Variants in SLX4 observed in about 807,000 individuals in gnomAD.
SLX4 encodes SLX4 structure-specific endonuclease subunit.
A neutral mutation model predicts 146.2 loss-of-function variants in SLX4; 112 were observed. That is an observed-to-expected ratio of 0.77 (90% CI 0.66 to 0.90). SLX4 has a LOEUF of 0.90. Ranked by LOEUF, SLX4 falls within the 40% of genes least tolerant of loss-of-function variation. The pLI is 0.00. For missense variants in SLX4, 2,563 were observed against 2,392.7 expected, an observed-to-expected ratio of 1.07 and a Z score of -1.49; for synonymous variants, 1,061 against 997.7, an observed-to-expected ratio of 1.06 and a Z score of -1.20.
chr16:3,603,955 TGTG>T (rs1192632543), intron 3 of SLX4, among the ~76,000 whole-genome samples: 2 of 152,054 alleles, frequency 1.3e-5, no homozygotes, highest in Non-Finnish European at 2.9e-5. Flanking sequence ...TAGGGCTGGG[TGTG>T]GTGGTTCACA....
rs199719959 is a variant in SLX4, at chr16:3,590,358, C to G, written c.3280G>C (p.Glu1094Gln). Reference sequence around the variant, plus strand: ...TCTTTGCCTTTCTGGTGCCCTGGCTCTTTAGACAGCGTGAGGATGCTCCTG... The same window carrying G: ...TCTTTGCCTTTCTGGTGCCCTGGCTGTTTAGACAGCGTGAGGATGCTCCTG... ...RDRSILTLSKEPGHQKGKERR... is the reference protein window; with the variant it reads ...RDRSILTLSKQPGHQKGKERR... The change falls in exon 12 of 15, where the codon GAG (glutamate) becomes CAG (glutamine). Residue 1094 changes from glutamate to glutamine, a missense_variant. Physicochemically the swap from Glu to Gln is conservative, Grantham distance 29 (BLOSUM62 2). Coordinates refer to ENST00000294008, the MANE Select transcript of SLX4 (RefSeq NM_032444.4). This position sits in a 1 kb window ranked among gnomAD's most constrained non-coding sequence, Gnocchi z 4.8. The G allele has an allele frequency of 5.6e-6, 9 of 1,614,222 alleles. No individual in the cohort carries two copies. The African/African-American group carries it at 1.1e-4, about 19-fold the overall frequency.
At chr16:3,584,914 C>T (rs763771270) in intron 12 of SLX4, 43 bp from the exon 13 acceptor site, 8 of 1,343,034 alleles carry the variant, frequency 6.0e-6, no homozygotes, top group South Asian at 1.2e-5. Flanking sequence ...ATGAGGGACA[C>T]GGATTTCCCA....
chr16:3,597,648 A>G lies in SLX4; in HGVS notation c.1414T>C (p.Leu472=), dbSNP rs1344051124. The change falls in exon 7 of 15, where the codon TTA becomes CTA. Residue 472 remains leucine (L), a synonymous_variant. Transcript: ENST00000294008. This position sits in a 1 kb window ranked among gnomAD's most constrained non-coding sequence, Gnocchi z 4.4. The part of the protein sequence containing the change: ...KKPPVSPPLL[L]VQDSETTGRQ... ...CCTGTGGTTTCAGAGTCCTGGACTA[A>G]CAACAATGGGGGGGATACCGGGGGT... 6.2e-7 allele frequency: 1 copy of G among 1,608,380 alleles called. No homozygotes were observed. Among genetic ancestry groups the G allele is most frequent in the East Asian group, 2.3e-5 (1 of 44,366 alleles).
chr16:3,594,462 G>A lies in SLX4; in HGVS notation c.2151C>T (p.Leu717=), dbSNP rs1387837523. Reference sequence around the variant, plus strand: ...CAGCCCACGTACTTACATACTGGATGAGGAGCGGGCATCGGGCATAAAGCA... The same window carrying A: ...CAGCCCACGTACTTACATACTGGATAAGGAGCGGGCATCGGGCATAAAGCA... ...KFVLYARCPL[L]IQYVNNEGFS... is the part of the protein sequence containing the mutation. The change falls in exon 10 of 15, where the codon CTC becomes CTT. Residue 717 remains leucine (L), a synonymous_variant. Coordinates refer to ENST00000294008, the MANE Select transcript of SLX4 (RefSeq NM_032444.4). 2 of 1,613,384 alleles carry A rather than the reference G, an allele frequency of 1.2e-6. No individual in the cohort carries two copies. Among genetic ancestry groups the A allele is most frequent in the South Asian group, 1.1e-5 (1 of 90,974 alleles).
At chr16:3,584,381 A>C (rs905531266) in intron 13 of SLX4, among the ~76,000 whole-genome samples, 3 of 151,924 alleles carry the variant, frequency 2.0e-5, no homozygotes, top group African/African-American at 7.3e-5. Context: ...GGACTGCGCC[A>C]CTGCACTCCA....
chr16:3,601,250 A>C (rs1266837528), intron 4 of SLX4, 59 bp from the exon 5 acceptor site: 5 of 1,570,718 alleles, frequency 3.2e-6, no homozygotes, highest in Non-Finnish European at 4.4e-6. Context: ...GATTGGAGCA[A>C]ATGTGGGTCC....
At position 3,596,155 on chromosome 16, in the gene SLX4, G is replaced by A. The variant is rs778138590; in HGVS notation, c.1922C>T (p.Ala641Val). ...TAGAGTCCCACCCAGCATCTCACCTGCAGTCCCTTCCGAGCCAGCCAGGCC... is the reference window on the plus strand; with the variant it reads ...TAGAGTCCCACCCAGCATCTCACCTACAGTCCCTTCCGAGCCAGCCAGGCC... ...SGGLAGSEGT[A>V]GLDVVPGGLP... The change falls in exon 8 of 15, where the codon GCA becomes GTA. Residue 641 changes from alanine (A) to valine (V), a missense_variant and splice_region_variant. Coordinates refer to ENST00000294008, the MANE Select transcript of SLX4 (RefSeq NM_032444.4). 4 of 1,550,768 alleles carry A rather than the reference G, an allele frequency of 2.6e-6. No individual in the cohort carries two copies. The South Asian group carries it at 3.6e-5, about 14-fold the overall frequency.
At position 3,589,794 on chromosome 16, in the gene SLX4, G is replaced by A. The variant is rs772652088; in HGVS notation, c.3844C>T (p.Leu1282=). The stretch of plus-strand genomic sequence containing the variant: ...TGCTGAGTCACCGCCTGCACGGCCA[G>A]CCCGCTCCTGAGGCTGCTGATTTGG... The part of the protein sequence containing the change: ...QTQISSLRSG[L]AVQAVTQHTP... Residue 1282 remains leucine (L), a synonymous_variant, in exon 12 of 15, where the codon CTG becomes TTG. Transcript: ENST00000294008. This position sits in a 1 kb window ranked among gnomAD's most constrained non-coding sequence, Gnocchi z 6.2. 7.4e-6 allele frequency: 12 copies of A among 1,613,218 alleles called. No individual in the cohort carries two copies. In the African/African-American group the frequency reaches 1.3e-4, roughly 18 times the overall value.
chr16:3,605,183 A>G (rs996805923), intron 3 of SLX4, among the ~76,000 whole-genome samples: 1 of 151,638 alleles, frequency 6.6e-6, no homozygotes, highest in African/African-American at 2.4e-5. Flanking sequence ...TCTGTCTCCC[A>G]GGTTCACGCC....
chr16:3,583,449 A>T lies in SLX4; in HGVS notation c.4801T>A (p.Tyr1601Asn), dbSNP rs1361682506. The stretch of plus-strand genomic sequence containing the variant: ...TCTGAGTCCAGGGTCTGGTGAGTGT[A>T]CTGGAATATCTCCTTCAGCTTCAGA... ...MVLKLKEIFQ[Y>N]THQTLDSDSE... Residue 1601 changes from tyrosine (Y) to asparagine (N), a missense_variant, in exon 14 of 15, where the codon TAC becomes AAC. Tyr to Asn is a moderately radical substitution (Grantham distance 143). Transcript: ENST00000294008. 1.2e-6 allele frequency: 2 copies of T among 1,614,128 alleles called. No individual in the cohort carries two copies. The highest frequency in any genetic ancestry group is 2.2e-5 in the South Asian group (2 of 91,082).
At chr16:3,584,485 G>A (rs1467372922) in intron 13 of SLX4, among the ~76,000 whole-genome samples, 1 of 152,196 alleles carries the variant, frequency 6.6e-6, no homozygotes, top group Non-Finnish European at 1.5e-5. Context: ...CCATCTACAT[G>A]GAATATGGGG....
chr16:3,603,109 A>G (rs151280233), intron 3 of SLX4, among the ~76,000 whole-genome samples: 1 of 152,120 alleles, frequency 6.6e-6, no homozygotes, highest in Non-Finnish European at 1.5e-5. Flanking sequence ...GCTGGAGTGC[A>G]ACGACGCGAT....
rs2040722603 is a variant in SLX4, at chr16:3,601,123, C to G, written c.1019G>C (p.Gly340Ala). 2 of 1,613,978 alleles carry G rather than the reference C, an allele frequency of 1.2e-6. No homozygotes were observed. The highest frequency in any genetic ancestry group is 4.5e-5 in the East Asian group (2 of 44,888). Residue 340 changes from glycine (G) to alanine (A), a missense_variant, in exon 5 of 15, where the codon GGG (glycine) becomes GCG (alanine). By Grantham distance (60) the Gly-to-Ala change is moderately conservative. Transcript: ENST00000294008. ...VPQIPECPIC[G>A]KPFLTLKSRT... ...GCTCTTTAAGGTAAGAAACGGTTTC[C>G]CACAAATCGGGCACTCAGGGATCTG...
rs137869443 is a variant in SLX4 at position 3,606,778 on chromosome 16, G to A, written c.536-80C>T. ...CTTTTCTACCAGATACAGGTTAGAC[G>A]CAAGTTTCAAGAGTCCTTTATCAAC... On this transcript the variant is annotated intron_variant, in intron 2 of 14. Coordinates refer to ENST00000294008, the MANE Select transcript of SLX4 (RefSeq NM_032444.4). The A allele has an allele frequency of 1.4e-3, 2,029 of 1,493,194 alleles. 48 individuals carry two copies. In the East Asian group the frequency reaches 0.034, roughly 25 times the overall value. The allele number at this position is 1,493,194 out of a possible 1,614,324, so 92.5% of individuals were successfully genotyped here.
chr16:3,591,864 G>C (rs1243801746), intron 11 of SLX4, among the ~76,000 whole-genome samples: 3 of 152,050 alleles, frequency 2.0e-5, no homozygotes, highest in African/African-American at 7.2e-5. Context: ...TCTCTAAAAG[G>C]ATAAAAAAGG....
chr16:3,582,815 C>T, intron 14 of SLX4, 122 bp from the exon 15 acceptor site: 1 of 978,544 alleles, frequency 1.0e-6, no homozygotes, highest in Non-Finnish European at 1.6e-6. Flanking sequence ...TGGCACGATC[C>T]CCAGCAAGGC....
At position 3,609,103 on chromosome 16, in the gene SLX4, CTGTT is replaced by C. The variant is rs779611690; in HGVS notation, c.-143_-140del. 2.7e-6 allele frequency: 3 copies of C among 1,099,360 alleles called. No homozygotes were observed. The allele number at this position is 1,099,360 out of a possible 1,614,324, so 68.1% of individuals were successfully genotyped here. On this transcript the variant is annotated 5_prime_UTR_variant, in exon 2 of 15. Transcript: ENST00000294008. ...GGTTAAACATGTTTAAAGCTTCCCT[CTGTT>C]AAAGTCCACAACTGGGCCGGGCGCG...
chr16:3,590,650 C>T lies in SLX4; in HGVS notation c.2988G>A (p.Glu996=), dbSNP rs2151124623. The change falls in exon 12 of 15, where the codon GAG becomes GAA. Residue 996 remains glutamate (E), a synonymous_variant. Transcript: ENST00000294008. The surrounding 1 kb of genome is among the most constrained non-coding windows in gnomAD (Gnocchi z 4.8). ...LFSSTQGEIS[E]PSQITSEPEE... ...CGGGCTCACTTGTTATTTGGGACGG[C>T]TCTGAGATCTCTCCCTGAGTTGATG... 6.2e-7 allele frequency: 1 copy of T among 1,614,178 alleles called. No homozygotes were observed. The highest frequency in any genetic ancestry group is 8.5e-7 in the Non-Finnish European group (1 of 1,180,040).
chr16:3,602,571 G>A (rs1419789742), intron 3 of SLX4, among the ~76,000 whole-genome samples: 3 of 152,160 alleles, frequency 2.0e-5, no homozygotes, highest in Admixed American at 6.5e-5. Flanking sequence ...CAAATTCAAG[G>A]GGTCCAGGTG....
Sources: allele counts gnomAD v4.1 joint callset (sites outside exome capture counted in the v4.1 genomes callset), GRCh38; gene constraint gnomAD v4.1.1; non-coding constraint Gnocchi (gnomAD v3.1); transcripts MANE v1.5; gene names NCBI Gene and HGNC (gene_info 2026-07-23, HGNC 2026-07-21).